Variants in GLIS3 observed in about 807,000 individuals in gnomAD.
GLIS3 encodes the protein GLIS family zinc finger 3, also known as zinc finger protein GLIS3.
GLIS3 carries 53 observed loss-of-function variants against 78.6 expected under a neutral mutation model. The observed-to-expected ratio is 0.67, with a 90% CI of 0.54 to 0.85. The LOEUF is 0.85. GLIS3 is among the 40% of genes least tolerant of loss of function. The pLI, the probability that GLIS3 is intolerant of heterozygous loss-of-function variation, is 0.00. For synonymous variants in GLIS3, 684 were observed against 509.9 expected, an observed-to-expected ratio of 1.34 and a Z score of -4.60; for missense variants, 1,703 against 1,231.1, an observed-to-expected ratio of 1.38 and a Z score of -5.74.
intron 2 of GLIS3, 47 bp downstream of exon 2, chr9:4,285,990 GA>G (rs760963734): frequency 2.7e-5 from 44 of 1,609,570 alleles, no homozygotes; most frequent in Non-Finnish European, 3.6e-5. Context: ...GGATGGGGGA[GA>G]AAAAAATCGT....
chr9:4,202,405 C>G (rs1448224679), intron 2 of GLIS3, among the ~76,000 whole-genome samples: 1 of 149,708 alleles, frequency 6.7e-6, no homozygotes, highest in Non-Finnish European at 1.5e-5. Flanking sequence ...CCCACCTCAG[C>G]CTCCCAAGGA....
At chr9:3,963,763 A>G (rs1691549955) in intron 4 of GLIS3, among the ~76,000 whole-genome samples, 1 of 151,934 alleles carries the variant, frequency 6.6e-6, no homozygotes, top group African/African-American at 2.4e-5. Context: ...GTGAGGCTGA[A>G]GTGGCGTCAG....
intron 2 of GLIS3, chr9:4,152,163 C>T: frequency 1.0e-6 from 1 of 976,758 alleles, no homozygotes; most frequent in Non-Finnish European, 1.2e-6. Flanking sequence ...CTTCCTCCAA[C>T]ACCCTTCAAC....
At chr9:4,293,352 G>A (rs1383039701) in intron 1 of GLIS3, among the ~76,000 whole-genome samples, 1 of 152,146 alleles carries the variant, frequency 6.6e-6, no homozygotes, top group Admixed American at 6.5e-5. Context: ...CATAGTTATT[G>A]CTTAAAAGTG....
intron 7 of GLIS3, among the ~76,000 whole-genome samples, chr9:3,880,463 C>T (rs1034134632): frequency 3.3e-5 from 5 of 152,220 alleles, no homozygotes; most frequent in African/African-American, 1.2e-4. Flanking sequence ...TCTCATTATG[C>T]TGCAATCATA....
At chr9:4,357,442 G>A in the GLIS3 span, among the ~76,000 whole-genome samples, 5 of 152,120 alleles carry the variant, frequency 3.3e-5, no homozygotes, top group South Asian at 4.2e-4. Context: ...TTACACTATC[G>A]CTCTCCTGCT....
the GLIS3 span, among the ~76,000 whole-genome samples, chr9:4,396,677 G>C: frequency 5.3e-5 from 8 of 152,146 alleles, no homozygotes; most frequent in Admixed American, 5.2e-4. Flanking sequence ...TTTGATGAGA[G>C]GTAAGTAGCC....
chr9:4,045,951 G>C lies in GLIS3; in HGVS notation c.1710+71817C>G, dbSNP rs1204745931. 3.3e-5 allele frequency among the ~76,000 whole-genome samples: 5 copies of C among 152,186 alleles called. No individual in the cohort carries two copies. The East Asian group carries it at 9.6e-4, about 29-fold the overall frequency. On this transcript the variant is annotated intron_variant, in intron 4 of 10. Coordinates refer to ENST00000381971, the MANE Select transcript of GLIS3 (RefSeq NM_001042413.2). ...GAGGTCGGTCACCTTGGGAGATCGGGGGGGAAATCATAAATGGTTTATTAG... is the reference window on the plus strand; with the variant it reads ...GAGGTCGGTCACCTTGGGAGATCGGCGGGGAAATCATAAATGGTTTATTAG...
chr9:3,906,935 G>A (rs117550806), intron 6 of GLIS3, among the ~76,000 whole-genome samples: 3,259 of 152,152 alleles, frequency 0.021, 52 homozygotes, highest in South Asian at 0.032. Context: ...TGCCCGGAAC[G>A]GACTCCCTCC....
chr9:3,839,505 G>A (rs951131893), intron 9 of GLIS3, among the ~76,000 whole-genome samples: 27 of 151,954 alleles, frequency 1.8e-4, no homozygotes, highest in Non-Finnish European at 3.5e-4. Context: ...GACAGGCATT[G>A]CCCCAGGTGT....
intron 9 of GLIS3, among the ~76,000 whole-genome samples, chr9:3,838,637 C>G (rs1194959606): frequency 6.6e-6 from 1 of 152,176 alleles, no homozygotes; most frequent in Non-Finnish European, 1.5e-5. Context: ...CCCAGGGATT[C>G]AAACACTCCC....
At chr9:4,104,080 A>G (rs1256136662) in intron 4 of GLIS3, among the ~76,000 whole-genome samples, 1 of 152,186 alleles carries the variant, frequency 6.6e-6, no homozygotes, top group Non-Finnish European at 1.5e-5. Context: ...ATTTCACTTT[A>G]AATTAGGTAA....
chr9:4,473,726 C>T, the GLIS3 span, among the ~76,000 whole-genome samples: 3 of 151,930 alleles, frequency 2.0e-5, no homozygotes, highest in Admixed American at 6.6e-5. Context: ...ACAACAAACC[C>T]CTGTGACATG....
At chr9:4,135,941 G>C (rs1460280358) in intron 2 of GLIS3, among the ~76,000 whole-genome samples, 2 of 152,154 alleles carry the variant, frequency 1.3e-5, no homozygotes, top group Non-Finnish European at 2.9e-5. Flanking sequence ...TTTCACTGCT[G>C]AGATACATTA....
rs372344447 is a variant in GLIS3, at chr9:4,286,522, G to C, written c.-97C>G. 6.9e-7 allele frequency: 1 copy of C among 1,445,008 alleles called. No individual in the cohort carries two copies. Among genetic ancestry groups the C allele is most frequent in the Non-Finnish European group, 9.6e-7 (1 of 1,045,824 alleles). 89.5% of individuals were successfully genotyped at this position (1,445,008 alleles called of 1,614,324 possible). The stretch of plus-strand genomic sequence containing the variant: ...AAGTTATCCATGGTGTGGGTTATAA[G>C]CCTGTTTAAAAAAATAAACGCAGGC... On this transcript the variant is annotated splice_region_variant and 5_prime_UTR_variant, in exon 2 of 11. Transcript: ENST00000381971.
chr9:4,477,222 C>T, the GLIS3 span, among the ~76,000 whole-genome samples: 1 of 152,020 alleles, frequency 6.6e-6, no homozygotes, highest in Non-Finnish European at 1.5e-5. Flanking sequence ...ACAATGCAAT[C>T]TTAGCCTTAC....
intron 8 of GLIS3, 28 bp from the exon 9 acceptor site, chr9:3,856,212 T>A: frequency 6.3e-7 from 1 of 1,599,616 alleles, no homozygotes; most frequent in Non-Finnish European, 8.5e-7. Context: ...AAAGGAAACA[T>A]GAGGGACATA....
the GLIS3 span, among the ~76,000 whole-genome samples, chr9:4,421,174 T>C: frequency 6.6e-6 from 1 of 152,178 alleles, no homozygotes; most frequent in Non-Finnish European, 1.5e-5. Flanking sequence ...TCTTTCCAGT[T>C]GATATTCATG....
chr9:4,251,380 T>G (rs964476545), intron 2 of GLIS3, among the ~76,000 whole-genome samples: 1 of 152,184 alleles, frequency 6.6e-6, no homozygotes, highest in African/African-American at 2.4e-5. Context: ...TTATCTTTTT[T>G]GATCTTTGTT....
Sources: gnomAD v4.1 joint callset for allele counts (sites outside exome capture counted in the v4.1 genomes callset) on GRCh38, gnomAD v4.1.1 for gene constraint, MANE v1.5 for transcripts, NCBI Gene and HGNC (gene_info 2026-07-23, HGNC 2026-07-21) for gene names.